The following SERPINB6 variants were observed in gnomAD, a reference collection of about 807,000 sequenced individuals.
The protein encoded by SERPINB6 is serpin family B member 6.
SERPINB6 carries 16 observed loss-of-function variants against 26.1 expected under a neutral mutation model. The ratio of observed to expected loss-of-function variants is 0.61; its 90% CI spans 0.42 to 0.93. SERPINB6 has a LOEUF of 0.93. SERPINB6 is among the 40% of genes least tolerant of loss of function. The pLI, the probability that SERPINB6 is intolerant of heterozygous loss-of-function variation, is 0.00. For missense variants in SERPINB6, 420 were observed against 478.0 expected, an observed-to-expected ratio of 0.88 and a Z score of 1.13; for synonymous variants, 174 against 176.6, an observed-to-expected ratio of 0.99 and a Z score of 0.11.
At chr6:2,949,191 G>C in intron 5 of SERPINB6, 122 bp from the exon 6 acceptor site, 1 of 1,120,544 alleles carries the variant, frequency 8.9e-7, no homozygotes, top group Non-Finnish European at 1.3e-6. Context: ...CCAGCTTCCA[G>C]AACACCCGGC....
At chr6:2,955,785 A>T (rs1441980049) in intron 2 of SERPINB6, 115 bp from the exon 3 acceptor site, 1 of 1,216,016 alleles carries the variant, frequency 8.2e-7, no homozygotes, top group East Asian at 2.5e-5. Context: ...TGCTTAAAAG[A>T]TCTATCCGAG....
chr6:2,971,314 G>C, intron 1 of SERPINB6: 2 of 421,768 alleles, frequency 4.7e-6, no homozygotes, highest in Non-Finnish European at 6.4e-6. Context: ...ACGCTCGCCC[G>C]GGCCCCCGCC....
intron 1 of SERPINB6, chr6:2,970,587 G>C: frequency 8.2e-7 from 1 of 1,214,940 alleles, no homozygotes; most frequent in Non-Finnish European, 1.0e-6. Flanking sequence ...CTGTCATTAG[G>C]CACGAGAGCA....
intron 2 of SERPINB6, among the ~76,000 whole-genome samples, chr6:2,958,749 C>G: frequency 6.6e-6 from 1 of 152,148 alleles, no homozygotes; most frequent in East Asian, 1.9e-4. Context: ...ATAACCAGAA[C>G]GCTACTGAAA....
intron 1 of SERPINB6, chr6:2,971,090 C>A: frequency 9.0e-7 from 1 of 1,115,594 alleles, no homozygotes; most frequent in Non-Finnish European, 1.1e-6. Context: ...GAGGGGTCAC[C>A]GAGGCCGCGG....
chr6:2,965,406 T>C (rs2113323765), intron 1 of SERPINB6, among the ~76,000 whole-genome samples: 1 of 149,946 alleles, frequency 6.7e-6, no homozygotes, highest in East Asian at 1.9e-4. Context: ...AATTTATAGT[T>C]TGGCAGGCTG....
At chr6:2,964,484 C>T (rs1389562901) in intron 1 of SERPINB6, among the ~76,000 whole-genome samples, 3 of 152,098 alleles carry the variant, frequency 2.0e-5, no homozygotes, top group Admixed American at 1.3e-4. Flanking sequence ...AGTGTAGGCA[C>T]AATTTACAGA....
chr6:2,953,812 C>G (rs558376648), intron 4 of SERPINB6, among the ~76,000 whole-genome samples: 2 of 152,130 alleles, frequency 1.3e-5, no homozygotes, highest in East Asian at 3.9e-4. Context: ...GGGTGGATCA[C>G]GAGGTCAAGA....
intron 4 of SERPINB6, 114 bp downstream of exon 4, chr6:2,954,478 G>GTTA: frequency 1.1e-6 from 1 of 890,294 alleles, no homozygotes; most frequent in Non-Finnish European, 1.9e-6. Context: ...TAAGTTTGCA[G>GTTA]TTATTCAGAG....
intron 1 of SERPINB6, chr6:2,966,306 A>C: frequency 2.1e-6 from 2 of 946,470 alleles, no homozygotes; most frequent in South Asian, 9.8e-5. Context: ...TACAAACAAT[A>C]TATTTCAATT....
chr6:2,966,924 G>A (rs1771696554), intron 1 of SERPINB6: 1 of 984,646 alleles, frequency 1.0e-6, no homozygotes, highest in Non-Finnish European at 1.2e-6. Context: ...CAAAGTGCTG[G>A]GATTATAGGC....
intron 2 of SERPINB6, chr6:2,955,883 C>G (rs1250653384): frequency 1.6e-5 from 8 of 515,102 alleles, no homozygotes; most frequent in Non-Finnish European, 2.5e-5. Flanking sequence ...TCGAGATCAG[C>G]CTGGCCAACA....
intron 5 of SERPINB6, among the ~76,000 whole-genome samples, chr6:2,951,017 A>T (rs751376359): frequency 6.6e-6 from 1 of 152,094 alleles, no homozygotes; most frequent in Non-Finnish European, 1.5e-5. Context: ...GACAGGAACT[A>T]TTTTCCGGTT....
chr6:2,948,236 G>A lies in SERPINB6; in HGVS notation c.*62C>T, dbSNP rs938740636. On this transcript the variant is annotated 3_prime_UTR_variant, in exon 7 of 7. Transcript: ENST00000380539. This position sits in a 1 kb window ranked among gnomAD's most constrained non-coding sequence, Gnocchi z 5.0. ...ACGGATAAGGCCACTTGGGTTGCAG[G>A]CACACTGTGGAGTGTCAGGGGACAG... 1.1e-5 allele frequency: 17 copies of A among 1,596,228 alleles called. No homozygotes were observed. The highest frequency in any genetic ancestry group is 1.7e-5 in the Admixed American group (1 of 59,964).
intron 1 of SERPINB6, chr6:2,960,569 G>A (rs943894533): frequency 6.6e-6 from 1 of 152,368 alleles, no homozygotes; most frequent in Non-Finnish European, 1.5e-5. Flanking sequence ...ACTCACTTGA[G>A]CAGTGAGTGG....
chr6:2,954,381 GA>G, intron 4 of SERPINB6, among the ~76,000 whole-genome samples: 1 of 152,242 alleles, frequency 6.6e-6, no homozygotes. Context: ...GTACACCAAG[GA>G]AACAGGGAGA....
intron 1 of SERPINB6, among the ~76,000 whole-genome samples, chr6:2,964,922 G>A (rs1332508946): frequency 6.6e-6 from 1 of 152,110 alleles, no homozygotes; most frequent in Non-Finnish European, 1.5e-5. Flanking sequence ...CTGCAGCCTC[G>A]AACTCCTGGC....
At chr6:2,971,478 T>C (rs982630086) in intron 1 of SERPINB6, 55 bp downstream of exon 1, 19 of 152,282 alleles carry the variant, frequency 1.2e-4, no homozygotes, top group African/African-American at 4.3e-4. Flanking sequence ...TTCCCGACTT[T>C]GGAGCGACAA....
rs2113103088 is a variant in SERPINB6 at position 2,949,051 on chromosome 6, G to A, written c.592C>T (p.Gln198Ter). ...KVSKNEEKPV[Q>*]MMFKQSTFKK... Reference sequence around the variant, plus strand: ...AAAGTAGATTGCTTAAACATCATTTGCACAGGTTTCTCCTCATTCTACAAA... The same window carrying A: ...AAAGTAGATTGCTTAAACATCATTTACACAGGTTTCTCCTCATTCTACAAA... The change falls in exon 6 of 7, where the codon CAA becomes TAA. Residue 198 changes from glutamine to a stop codon, truncating the protein, a stop_gained. Coordinates refer to ENST00000380539, the MANE Select transcript of SERPINB6 (RefSeq NM_004568.6). LOFTEE classifies it high-confidence loss of function. The A allele has an allele frequency of 6.2e-7, 1 of 1,614,120 alleles. No individual in the cohort carries two copies. Among genetic ancestry groups the A allele is most frequent in the South Asian group, 1.1e-5 (1 of 91,074 alleles).
Sources: gnomAD v4.1 joint callset for allele counts (sites outside exome capture counted in the v4.1 genomes callset) on GRCh38, gnomAD v4.1.1 for gene constraint, Gnocchi (gnomAD v3.1) non-coding constraint, MANE v1.5 for transcripts, NCBI Gene and HGNC (gene_info 2026-07-23, HGNC 2026-07-21) for gene names.